Variants in FAM241B observed in about 807,000 individuals in gnomAD.
FAM241B encodes protein FAM241B.
Under a neutral mutation model 9.3 loss-of-function variants are expected in FAM241B, and 7 were observed. The observed-to-expected ratio is 0.75, with a 90% CI of 0.43 to 1.41. The LOEUF is 1.41. FAM241B is among the 40% of genes most tolerant of loss of function. FAM241B has a pLI of 0.01. For missense variants in FAM241B, 136 were observed against 159.6 expected (o/e 0.85, Z 0.80); for synonymous variants, 60 against 64.1 (o/e 0.94, Z 0.31).
Position 69,631,773 on chromosome 10 carries a change from C to T in FAM241B, c.30C>T (p.Ile10=), listed in dbSNP as rs987987830. The T allele has an allele frequency of 2.5e-6, 4 of 1,613,270 alleles. No individual in the cohort carries two copies. The highest frequency in any genetic ancestry group is 1.3e-5 in the African/African-American group (1 of 74,948). The change falls in exon 3 of 4, where the codon ATC becomes ATT. Residue 10 remains isoleucine, a synonymous_variant. Coordinates refer to ENST00000373279, the MANE Select transcript of FAM241B (RefSeq NM_145306.3). MVRILANGE[I]VQDDDPRVRT... Reference sequence around the variant, plus strand: ...TGCGGATCTTGGCCAATGGGGAAATCGTGCAGGATGACGACCCCCGAGTGA... The same window carrying T: ...TGCGGATCTTGGCCAATGGGGAAATTGTGCAGGATGACGACCCCCGAGTGA...
rs1564646500 is a variant in FAM241B at position 69,632,863 on chromosome 10, TG to T, written c.173del (p.Gly58ValfsTer15). The T allele has an allele frequency of 6.2e-7, 1 of 1,614,214 alleles. No individual in the cohort carries two copies. Among genetic ancestry groups the T allele is most frequent in the Non-Finnish European group, 8.5e-7 (1 of 1,180,036 alleles). On this transcript the variant is annotated frameshift_variant, in exon 4 of 4. Transcript: ENST00000373279. LOFTEE classifies it high-confidence loss of function. ...CGCCAGCAGCAGGCAGGTGCCAGGC[TG>T]GGTGCTGCTCAGTCCCCCTTCAATG... ...GPRQQQAGARLGAAQSPFNDL... is the reference protein window; with the variant it reads ...GPRQQQAGARXGAAQSPFNDL...
intron 3 of FAM241B, 69 bp downstream of exon 3, chr10:69,631,908 AG>A: frequency 1.3e-6 from 2 of 1,550,510 alleles, no homozygotes; most frequent in Non-Finnish European, 1.7e-6. Context: ...AGCTTCCAGA[AG>A]TCTCTCTTGC....
chr10:69,631,213 C>T (rs963001121), intron 1 of FAM241B, among the ~76,000 whole-genome samples: 2 of 152,226 alleles, frequency 1.3e-5, no homozygotes, highest in African/African-American at 4.8e-5. Flanking sequence ...CTCCCTGTGC[C>T]TCCGCCTGTG....
chr10:69,630,553 A>C, intron 1 of FAM241B: 1 of 1,059,508 alleles, frequency 9.4e-7, no homozygotes. Flanking sequence ...CGCCAGGGCC[A>C]GCGGGCTTCA....
chr10:69,632,457 C>CAAA (rs58019486), intron 3 of FAM241B, among the ~76,000 whole-genome samples: 3 of 109,000 alleles, frequency 2.8e-5, no homozygotes, highest in Non-Finnish European at 3.7e-5. Context: ...GACTCCGTCT[C>CAAA]AAAAAAAAAA....
intron 3 of FAM241B, among the ~76,000 whole-genome samples, chr10:69,632,301 A>T (rs1221876943): frequency 6.6e-6 from 1 of 152,036 alleles, no homozygotes; most frequent in Non-Finnish European, 1.5e-5. Flanking sequence ...TCTACTAAAA[A>T]TACAAAATTA....
chr10:69,630,616 T>C, intron 1 of FAM241B: 1 of 1,296,520 alleles, frequency 7.7e-7, no homozygotes, highest in Non-Finnish European at 1.0e-6. Context: ...ACCACAGGGC[T>C]CCTGACCTTT....
intron 1 of FAM241B, among the ~76,000 whole-genome samples, chr10:69,631,078 C>T (rs771005476): frequency 2.6e-5 from 4 of 152,186 alleles, no homozygotes; most frequent in Non-Finnish European, 4.4e-5. Context: ...ATTGGAACCC[C>T]ACTGGGGATG....
chr10:69,631,135 C>T (rs1397678803), intron 1 of FAM241B, among the ~76,000 whole-genome samples: 4 of 152,218 alleles, frequency 2.6e-5, no homozygotes, highest in Non-Finnish European at 5.9e-5. Flanking sequence ...GGCCCTAGAA[C>T]CAGAGCTTCT....
At chr10:69,630,777 C>A in intron 1 of FAM241B, 1 of 775,818 alleles carries the variant, frequency 1.3e-6, no homozygotes, top group Non-Finnish European at 1.8e-6. Context: ...TCGAGGGCCA[C>A]CGCAGCAACC....
chr10:69,631,869 A>T (rs941461409), intron 3 of FAM241B, 30 bp downstream of exon 3: 3 of 1,589,122 alleles, frequency 1.9e-6, no homozygotes, highest in Non-Finnish European at 8.6e-7. Context: ...GGAGTGGGAC[A>T]GATGGCCTCC....
At chr10:69,631,979 G>T in intron 3 of FAM241B, 140 bp downstream of exon 3, 1 of 1,168,774 alleles carries the variant, frequency 8.6e-7, no homozygotes, top group Non-Finnish European at 1.2e-6. Context: ...AAGATGCAGT[G>T]GCTTATTGTC....
At chr10:69,632,606 C>T (rs1411560508) in intron 3 of FAM241B, among the ~76,000 whole-genome samples, 184 bp from the exon 4 acceptor site, 1 of 152,118 alleles carries the variant, frequency 6.6e-6, no homozygotes, top group East Asian at 1.9e-4. Context: ...CTGGCATGTT[C>T]TGTGCTCTGA....
chr10:69,630,734 C>T (rs1839803642), intron 1 of FAM241B: 1 of 1,209,884 alleles, frequency 8.3e-7, no homozygotes, highest in Non-Finnish European at 1.1e-6. Flanking sequence ...GTGGAGGGGC[C>T]CCGCAGTCCA....
At chr10:69,632,087 C>T (rs892342280) in intron 3 of FAM241B, among the ~76,000 whole-genome samples, 2 of 152,126 alleles carry the variant, frequency 1.3e-5, no homozygotes, top group East Asian at 1.9e-4. Flanking sequence ...CTGGAGCTAG[C>T]GTCTTTCTTT....
At position 69,631,848 on chromosome 10, in the gene FAM241B, T is replaced by C. The variant is rs1421700916; in HGVS notation, c.96+9T>C. 1 of 1,603,690 alleles carries C rather than the reference T, an allele frequency of 6.2e-7. No individual in the cohort carries two copies. The highest frequency in any genetic ancestry group is 1.3e-5 in the African/African-American group (1 of 74,986). ...GTAGCATTCCTCGACAGGTAGGTAC[T>C]CATTTCCTGTGGAGTGGGACAGATG... On this transcript the variant is annotated intron_variant, in intron 3 of 3. Coordinates refer to ENST00000373279, the MANE Select transcript of FAM241B (RefSeq NM_145306.3).
chr10:69,631,501 G>C lies in FAM241B; in HGVS notation c.-82G>C, dbSNP rs1306603716. 6.5e-7 allele frequency: 1 copy of C among 1,533,664 alleles called. No individual in the cohort carries two copies. The highest frequency in any genetic ancestry group is 1.4e-5 in the African/African-American group (1 of 72,650). ...TCAGACACAGCATCTACTCAGCGTG[G>C]GTCACCTCTGTGAACATCACTGACT... On this transcript the variant is annotated 5_prime_UTR_variant, in exon 2 of 4. Transcript: ENST00000373279.
At chr10:69,632,551 C>G (rs974841049) in intron 3 of FAM241B, among the ~76,000 whole-genome samples, 2 of 152,060 alleles carry the variant, frequency 1.3e-5, no homozygotes, top group Non-Finnish European at 2.9e-5. Context: ...CTGCCTCAAC[C>G]ACTTCCTCTC....
chr10:69,630,597 A>G (rs746237706), intron 1 of FAM241B: 44 of 1,272,984 alleles, frequency 3.5e-5, no homozygotes, highest in South Asian at 1.4e-4. Flanking sequence ...GCTCCAGGCT[A>G]CGGGCAAGAC....
Sources: allele counts gnomAD v4.1 joint callset (sites outside exome capture counted in the v4.1 genomes callset), GRCh38; gene constraint gnomAD v4.1.1; transcripts MANE v1.5; gene names NCBI Gene and HGNC (gene_info 2026-07-23, HGNC 2026-07-21).